DLGAP1: variants seen among roughly 807,000 people sequenced by gnomAD.
The protein encoded by DLGAP1 is disks large-associated protein 1.
Under a neutral mutation model 90.8 loss-of-function variants are expected in DLGAP1, and 11 were observed. The observed-to-expected ratio is 0.12, with a 90% CI of 0.08 to 0.20. DLGAP1 has a LOEUF of 0.20. DLGAP1 is among the 10% of genes least tolerant of loss of function. The pLI, the probability that DLGAP1 is intolerant of heterozygous loss-of-function variation, is 1.00. For missense variants in DLGAP1, 1,050 were observed against 1,333.8 expected (o/e 0.79, Z 3.31); for synonymous variants, 558 against 540.7 (o/e 1.03, Z -0.44).
intron 7 of DLGAP1, among the ~76,000 whole-genome samples, chr18:3,726,135 G>T (rs1367613893): frequency 6.6e-6 from 1 of 152,110 alleles, no homozygotes; most frequent in African/African-American, 2.4e-5. Flanking sequence ...AACATCTGTT[G>T]TGAGTATCTG....
chr18:3,895,526 C>T lies in DLGAP1; in HGVS notation c.-72-15386G>A, dbSNP rs139059595. Among the ~76,000 whole-genome samples the T allele has an allele frequency of 1.0e-3, 154 of 152,308 alleles. 1 individual carries two copies. The highest frequency in any genetic ancestry group is 3.4e-3 in the Middle Eastern group (1 of 294). On this transcript the variant is annotated intron_variant, in intron 3 of 12. Transcript: ENST00000315677. ...CATCAGAATCAGCTGGATGTCCCAA[C>T]GCATAGATGCATTCGATAAATGTTA...
chr18:3,562,184 G>T (rs2054164028), intron 9 of DLGAP1, among the ~76,000 whole-genome samples: 1 of 152,058 alleles, frequency 6.6e-6, no homozygotes, highest in African/African-American at 2.4e-5. Flanking sequence ...CCGAAATCAT[G>T]CCATTGCACT....
intron 3 of DLGAP1, among the ~76,000 whole-genome samples, chr18:3,956,321 T>C (rs1394086022): frequency 6.6e-6 from 1 of 152,186 alleles, no homozygotes; most frequent in African/African-American, 2.4e-5. Context: ...AAGGAAGATG[T>C]TTCACCCTGA....
chr18:4,011,945 A>G (rs1240125786), intron 2 of DLGAP1, among the ~76,000 whole-genome samples: 2 of 152,176 alleles, frequency 1.3e-5, no homozygotes, highest in Non-Finnish European at 2.9e-5. Flanking sequence ...GCATCCCCAA[A>G]TGTGATGAGA....
intron 5 of DLGAP1, among the ~76,000 whole-genome samples, chr18:3,793,238 C>A (rs1284497953): frequency 1.3e-5 from 2 of 152,088 alleles, no homozygotes; most frequent in Non-Finnish European, 2.9e-5. Flanking sequence ...CTTCCACAGC[C>A]CATGTCTGAT....
At chr18:4,353,086 TA>T (rs1025233814) in intron 1 of DLGAP1, among the ~76,000 whole-genome samples, 18 of 152,268 alleles carry the variant, frequency 1.2e-4, no homozygotes, top group Middle Eastern at 3.4e-3. Flanking sequence ...CTCTTCTATT[TA>T]AAAAGATCTA....
At chr18:3,739,292 C>G (rs372254305) in intron 6 of DLGAP1, among the ~76,000 whole-genome samples, 1 of 134,936 alleles carries the variant, frequency 7.4e-6, no homozygotes, top group Non-Finnish European at 1.6e-5. Context: ...ACCCAAAGGA[C>G]TATAAATCAT....
intron 2 of DLGAP1, among the ~76,000 whole-genome samples, chr18:4,118,772 C>T (rs2076104414): frequency 6.6e-6 from 1 of 152,062 alleles, no homozygotes; most frequent in Non-Finnish European, 1.5e-5. Context: ...GACTGAAATG[C>T]CACAGACCCC....
intron 5 of DLGAP1, among the ~76,000 whole-genome samples, chr18:3,745,686 T>C (rs2069787426): frequency 6.6e-6 from 1 of 152,126 alleles, no homozygotes; most frequent in Non-Finnish European, 1.5e-5. Context: ...ATATTTTATT[T>C]TTTATTTTTA....
intron 7 of DLGAP1, among the ~76,000 whole-genome samples, chr18:3,672,521 G>A (rs2060127730): frequency 7.0e-6 from 1 of 142,448 alleles, no homozygotes; most frequent in Non-Finnish European, 1.5e-5. Flanking sequence ...AGGTTGCGGT[G>A]AGCCAAGATC....
intron 4 of DLGAP1, chr18:3,874,283 C>T: frequency 6.5e-7 from 1 of 1,547,050 alleles, no homozygotes; most frequent in Non-Finnish European, 8.7e-7. Context: ...GTCTGTCTTG[C>T]TCTCTCTCTC....
intron 8 of DLGAP1, among the ~76,000 whole-genome samples, chr18:3,568,817 T>A (rs927558048): frequency 6.6e-6 from 1 of 151,246 alleles, no homozygotes; most frequent in Non-Finnish European, 1.5e-5. Flanking sequence ...TTCCCAAGTG[T>A]CTGGGACTAC....
chr18:4,109,733 T>A (rs2075938115), intron 2 of DLGAP1, among the ~76,000 whole-genome samples: 1 of 152,186 alleles, frequency 6.6e-6, no homozygotes, highest in Non-Finnish European at 1.5e-5. Flanking sequence ...GATCTAACTT[T>A]AATGAATGTA....
At chr18:4,262,198 T>C (rs1407244771) in intron 1 of DLGAP1, among the ~76,000 whole-genome samples, 4 of 152,194 alleles carry the variant, frequency 2.6e-5, no homozygotes, top group Non-Finnish European at 5.9e-5. Context: ...CAAAGAAAGC[T>C]TTTGCTGCAG....
chr18:4,110,762 G>A (rs1250865480), intron 2 of DLGAP1, among the ~76,000 whole-genome samples: 1 of 152,106 alleles, frequency 6.6e-6, no homozygotes, highest in Non-Finnish European at 1.5e-5. Flanking sequence ...GGGCTATCTG[G>A]GAGAATATTT....
intron 3 of DLGAP1, among the ~76,000 whole-genome samples, chr18:3,887,378 A>AT (rs1296575702): frequency 2.6e-5 from 4 of 152,234 alleles, no homozygotes; most frequent in Admixed American, 2.6e-4. Flanking sequence ...AATTTAAACA[A>AT]GACAGTGGCA....
At chr18:3,931,504 G>A (rs1199047586) in intron 3 of DLGAP1, among the ~76,000 whole-genome samples, 4 of 152,118 alleles carry the variant, frequency 2.6e-5, no homozygotes, top group African/African-American at 9.7e-5. Context: ...CTAGATTCCT[G>A]GGCCCTGTTT....
chr18:4,025,136 G>C (rs573418655), intron 2 of DLGAP1, among the ~76,000 whole-genome samples: 1 of 152,184 alleles, frequency 6.6e-6, no homozygotes, highest in African/African-American at 2.4e-5. Flanking sequence ...ATAAAAAAGA[G>C]TGTGTGAGGC....
At chr18:4,420,372 T>C (rs748858046) in intron 1 of DLGAP1, among the ~76,000 whole-genome samples, 5 of 141,748 alleles carry the variant, frequency 3.5e-5, no homozygotes, top group Admixed American at 7.4e-5. Flanking sequence ...AACAGCAGAA[T>C]ACACAATCTT....
Sources: allele counts gnomAD v4.1 joint callset (sites outside exome capture counted in the v4.1 genomes callset), GRCh38; gene constraint gnomAD v4.1.1; transcripts MANE v1.5; gene names NCBI Gene and HGNC (gene_info 2026-07-23, HGNC 2026-07-21).